The following SAE1 variants were observed in gnomAD, a reference collection of about 807,000 sequenced individuals.
SAE1 encodes SUMO-activating enzyme subunit 1.
In SAE1, 11 loss-of-function variants were observed where a neutral mutation model predicts 40.6. That is an observed-to-expected ratio of 0.27 (90% CI 0.17 to 0.45). The LOEUF is 0.45. SAE1 is among the 20% of genes least tolerant of loss of function. The probability of loss-of-function intolerance (pLI) is 1.00; values close to 1 mark genes in which losing one functional copy is unlikely to be tolerated. For missense variants in SAE1, 373 were observed against 427.3 expected (o/e 0.87, Z 1.12); for synonymous variants, 155 against 154.3 (o/e 1.00, Z -0.03).
At chr19:47,179,728 CTGATTT>C (rs1282672446) in intron 6 of SAE1, among the ~76,000 whole-genome samples, 1 of 151,992 alleles carries the variant, frequency 6.6e-6, no homozygotes, top group East Asian at 1.9e-4. Flanking sequence ...CCACACCCAG[CTGATTT>C]TGGTATTATT....
intron 6 of SAE1, among the ~76,000 whole-genome samples, chr19:47,194,798 A>G (rs931938405): frequency 6.6e-6 from 1 of 150,380 alleles, no homozygotes; most frequent in African/African-American, 2.5e-5. Flanking sequence ...CGCACAGGCA[A>G]AGTGCAGTGG....
At chr19:47,134,408 T>TG (rs970110627) in intron 1 of SAE1, among the ~76,000 whole-genome samples, 1 of 147,634 alleles carries the variant, frequency 6.8e-6, no homozygotes, top group African/African-American at 2.5e-5. Flanking sequence ...TTTGATGGGG[T>TG]GGGGGGATGT....
chr19:47,171,449 T>C (rs920368750), intron 6 of SAE1, among the ~76,000 whole-genome samples: 3 of 151,484 alleles, frequency 2.0e-5, no homozygotes, highest in Non-Finnish European at 2.9e-5. Flanking sequence ...GGCACCACCA[T>C]GCCCAGCTAA....
At chr19:47,172,871 C>T (rs2058443367) in intron 6 of SAE1, among the ~76,000 whole-genome samples, 1 of 152,116 alleles carries the variant, frequency 6.6e-6, no homozygotes, top group Non-Finnish European at 1.5e-5. Context: ...TCACCTTCAT[C>T]TCACAAAGGC....
chr19:47,178,773 G>A (rs1417227582), intron 6 of SAE1, among the ~76,000 whole-genome samples: 3 of 152,178 alleles, frequency 2.0e-5, no homozygotes, highest in African/African-American at 7.2e-5. Context: ...TGCATAGCCT[G>A]CGTTTTTCTT....
At chr19:47,164,393 T>C (rs1456768240) in intron 5 of SAE1, among the ~76,000 whole-genome samples, 1 of 151,998 alleles carries the variant, frequency 6.6e-6, no homozygotes, top group African/African-American at 2.4e-5. Context: ...GGTCTCCATC[T>C]GCTGACCTCG....
At chr19:47,140,722 G>C (rs1231294491) in intron 1 of SAE1, among the ~76,000 whole-genome samples, 1 of 152,066 alleles carries the variant, frequency 6.6e-6, no homozygotes, top group Non-Finnish European at 1.5e-5. Flanking sequence ...TTGAACCTGG[G>C]AGGTTGAGGC....
chr19:47,200,903 G>GCTCACTGCAC (rs1257354609), intron 7 of SAE1, among the ~76,000 whole-genome samples: 1 of 152,102 alleles, frequency 6.6e-6, no homozygotes, highest in Non-Finnish European at 1.5e-5. Flanking sequence ...TGTCACCTAG[G>GCTCACTGCAC]CTAGAGTGCA....
rs1361581592 is a variant in SAE1 at position 47,160,719 on chromosome 19, C to T, written c.627+5506C>T. 3.3e-5 allele frequency among the ~76,000 whole-genome samples: 5 copies of T among 149,260 alleles called. No individual in the cohort carries two copies. The South Asian group carries it at 8.6e-4, about 26-fold the overall frequency. On this transcript the variant is annotated intron_variant, in intron 5 of 8. Transcript: ENST00000270225. ...CTAATTTTTGTATTTTTAGTAGAAA[C>T]GGGGTTTCACCATGTTGACCAGGAT...
At chr19:47,139,755 ATTTT>A (rs780524600) in intron 1 of SAE1, among the ~76,000 whole-genome samples, 1 of 125,144 alleles carries the variant, frequency 8.0e-6, no homozygotes, top group Admixed American at 8.1e-5. Flanking sequence ...CTCCCGGCCA[ATTTT>A]TTTTTTTTTT....
chr19:47,192,234 TTTGTTG>T (rs754878820), intron 6 of SAE1, among the ~76,000 whole-genome samples: 1 of 151,344 alleles, frequency 6.6e-6, no homozygotes, highest in Non-Finnish European at 1.5e-5. Context: ...TTCCTACTGG[TTTGTTG>T]TTGTTGTTGT....
intron 5 of SAE1, among the ~76,000 whole-genome samples, chr19:47,159,703 A>G (rs1033295235): frequency 8.6e-5 from 13 of 151,926 alleles, no homozygotes; most frequent in African/African-American, 3.1e-4. Context: ...AAAAATTATT[A>G]TTATTTCTGA....
rs2058700218 is a variant in SAE1, at chr19:47,209,154, C to T, written c.949-5C>T. On this transcript the variant is annotated splice_polypyrimidine_tract_variant and splice_region_variant and intron_variant, in intron 8 of 8. Transcript: ENST00000270225. ...GCTAAACCCTCTTTTCATTTTTCTC[C>T]CCAGGCCCTGTCTCAGCGGGACCCT... The T allele has an allele frequency of 6.2e-7, 1 of 1,613,100 alleles. No individual in the cohort carries two copies. Among genetic ancestry groups the T allele is most frequent in the African/African-American group, 1.3e-5 (1 of 74,826 alleles).
At chr19:47,195,118 G>A (rs1016661886) in intron 6 of SAE1, among the ~76,000 whole-genome samples, 3 of 148,806 alleles carry the variant, frequency 2.0e-5, no homozygotes, top group African/African-American at 5.0e-5. Flanking sequence ...TCAGTGGCAC[G>A]ATCTCGGCTC....
At chr19:47,187,218 A>G (rs2058549673) in intron 6 of SAE1, among the ~76,000 whole-genome samples, 1 of 152,136 alleles carries the variant, frequency 6.6e-6, no homozygotes, top group African/African-American at 2.4e-5. Context: ...GCTTCCGTGA[A>G]GTGTCCCTAC....
In SAE1 at chr19:47,179,764, T is replaced by G. The variant is rs555754805; in HGVS notation, c.733+9841T>G. Among the ~76,000 whole-genome samples the G allele has an allele frequency of 5.9e-5, 9 of 152,180 alleles. No homozygotes were observed. The South Asian group carries it at 1.9e-3, about 32-fold the overall frequency. On this transcript the variant is annotated intron_variant, in intron 6 of 8. Transcript: ENST00000270225. ...ATTATTTGTAGAGACGGGGTTTCAC[T>G]GTGTTGCCCAGGGTAGTCTCTGTCT...
At chr19:47,138,856 A>G (rs2058199462) in intron 1 of SAE1, among the ~76,000 whole-genome samples, 1 of 152,182 alleles carries the variant, frequency 6.6e-6, no homozygotes, top group African/African-American at 2.4e-5. Flanking sequence ...CTTAATCAAA[A>G]CAAAAACAAG....
At chr19:47,190,493 A>C (rs2058571991) in intron 6 of SAE1, among the ~76,000 whole-genome samples, 1 of 152,180 alleles carries the variant, frequency 6.6e-6, no homozygotes, top group Non-Finnish European at 1.5e-5. Context: ...ACTGCTGCTA[A>C]CTGGAGTCTG....
intron 8 of SAE1, among the ~76,000 whole-genome samples, chr19:47,207,299 G>T (rs980514706): frequency 6.6e-6 from 1 of 152,174 alleles, no homozygotes; most frequent in Non-Finnish European, 1.5e-5. Context: ...AACACTATTT[G>T]TATATGGTAG....
Sources: gnomAD v4.1 joint callset for allele counts (sites outside exome capture counted in the v4.1 genomes callset) on GRCh38, gnomAD v4.1.1 for gene constraint, MANE v1.5 for transcripts, NCBI Gene and HGNC (gene_info 2026-07-23, HGNC 2026-07-21) for gene names.